Variants in NPAS3 observed in about 807,000 individuals in gnomAD.
NPAS3 encodes neuronal PAS domain-containing protein 3.
A neutral mutation model predicts 73.1 loss-of-function variants in NPAS3; 14 were observed. That is an observed-to-expected ratio of 0.19 (90% confidence interval 0.13 to 0.30). The LOEUF (loss-of-function observed/expected upper bound fraction) is 0.30. Ranked by LOEUF, NPAS3 falls within the 10% of genes least tolerant of loss-of-function variation. The pLI, the probability that NPAS3 is intolerant of heterozygous loss-of-function variation, is 1.00. For missense variants in NPAS3, 1,096 were observed against 1,250.0 expected (o/e 0.88, Z 1.86); for synonymous variants, 620 against 541.5 (o/e 1.14, Z -2.01).
intron 3 of NPAS3, among the ~76,000 whole-genome samples, chr14:33,254,960 TAA>T (rs113569307): frequency 1.4e-5 from 2 of 146,616 alleles, no homozygotes; most frequent in East Asian, 3.9e-4. Flanking sequence ...GAGGAATTTG[TAA>T]AAAAAAAAAC....
At chr14:33,308,247 C>T (rs999316846) in intron 3 of NPAS3, among the ~76,000 whole-genome samples, 2 of 152,106 alleles carry the variant, frequency 1.3e-5, no homozygotes, top group South Asian at 2.1e-4. Flanking sequence ...TGTGCCATAC[C>T]GTACATTACT....
At chr14:33,248,553 G>T (rs976772094) in intron 3 of NPAS3, among the ~76,000 whole-genome samples, 1 of 152,188 alleles carries the variant, frequency 6.6e-6, no homozygotes, top group Non-Finnish European at 1.5e-5. Context: ...AGTCTTTCTT[G>T]CTATATCTAG....
intron 4 of NPAS3, among the ~76,000 whole-genome samples, chr14:33,497,573 A>G (rs2139874073): frequency 6.6e-6 from 1 of 152,304 alleles, no homozygotes; most frequent in East Asian, 1.9e-4. Context: ...ATCTTTGACA[A>G]ACCAGACAAA....
rs779695822 is a variant in NPAS3 at position 33,513,391 on chromosome 14, T to C, written c.469-46730T>C. Among the ~76,000 whole-genome samples the C allele has an allele frequency of 1.4e-4, 22 of 152,182 alleles. No homozygotes were observed. In the East Asian group the frequency reaches 2.7e-3, roughly 19 times the overall value. Reference sequence around the variant, plus strand: ...AACACCACCACAATAATAAAAGTGATGATTTATTAAGTCCTTATGTGTCAG... The same window carrying C: ...AACACCACCACAATAATAAAAGTGACGATTTATTAAGTCCTTATGTGTCAG... On this transcript the variant is annotated intron_variant, in intron 4 of 11. Coordinates refer to ENST00000356141, the Ensembl canonical transcript of NPAS3.
intron 5 of NPAS3, among the ~76,000 whole-genome samples, chr14:33,594,852 G>T (rs890523164): frequency 1.3e-5 from 2 of 152,214 alleles, no homozygotes; most frequent in East Asian, 1.9e-4. Flanking sequence ...TGGTCTGAAG[G>T]CCTCTTCATT....
rs952294498 is a variant in NPAS3, at chr14:32,961,426, GA to G, written c.50+22070del. 1.2e-3 allele frequency among the ~76,000 whole-genome samples: 171 copies of G among 142,876 alleles called. 1 individual carries two copies. The highest frequency in any genetic ancestry group is 7.1e-3 in the Middle Eastern group (2 of 280). 93.7% of individuals were successfully genotyped at this position (142,876 alleles called of 152,430 possible). A position where few individuals can be genotyped will look rare whatever the true frequency, so the allele number is the denominator to read the frequency against. The stretch of plus-strand genomic sequence containing the variant: ...CTTCATCTCAAAAAAAAAAAAAAAA[GA>G]AAAAAAAAATTGAATTCATATCGGA... On this transcript the variant is annotated intron_variant, in intron 1 of 11. Coordinates refer to ENST00000356141, the Ensembl canonical transcript of NPAS3.
At chr14:33,680,302 T>C (rs1371326261) in intron 6 of NPAS3, among the ~76,000 whole-genome samples, 1 of 152,238 alleles carries the variant, frequency 6.6e-6, no homozygotes, top group Non-Finnish European at 1.5e-5. Context: ...AGGCAAATAG[T>C]AATATTCTCT....
upstream of NPAS3, chr14:32,934,911 G>C: frequency 5.0e-6 from 5 of 1,007,552 alleles, no homozygotes; most frequent in Non-Finnish European, 5.9e-6. The surrounding 1 kb of genome is among the most constrained non-coding windows in gnomAD (Gnocchi z 4.1). Context: ...GGGCGGCCGC[G>C]GGGGTGCCGG....
intron 3 of NPAS3, among the ~76,000 whole-genome samples, chr14:33,221,382 G>T (rs556886853): frequency 6.6e-6 from 1 of 152,174 alleles, no homozygotes; most frequent in African/African-American, 2.4e-5. Flanking sequence ...ACAGATAGAA[G>T]ATGAAGAACA....
intron 4 of NPAS3, among the ~76,000 whole-genome samples, chr14:33,391,924 G>A (rs2138615477): frequency 6.6e-6 from 1 of 152,296 alleles, no homozygotes; most frequent in Non-Finnish European, 1.5e-5. Context: ...AAATGAGTAA[G>A]AGAATGGTAT....
At chr14:33,192,917 A>G (rs1234191183) in intron 2 of NPAS3, among the ~76,000 whole-genome samples, 1 of 152,174 alleles carries the variant, frequency 6.6e-6, no homozygotes, top group Admixed American at 6.5e-5. Context: ...TTTACATTTT[A>G]GCTTACTTGT....
At chr14:33,099,708 A>G (rs1021064490) in intron 2 of NPAS3, among the ~76,000 whole-genome samples, 1 of 152,194 alleles carries the variant, frequency 6.6e-6, no homozygotes, top group Non-Finnish European at 1.5e-5. Context: ...TTGGGAGTCT[A>G]TTGTAGGGAA....
At chr14:33,436,477 G>A (rs534935603) in intron 4 of NPAS3, among the ~76,000 whole-genome samples, 2 of 152,228 alleles carry the variant, frequency 1.3e-5, no homozygotes, top group East Asian at 1.9e-4. Flanking sequence ...GCTAGATAGC[G>A]GAAACACTAA....
intron 2 of NPAS3, among the ~76,000 whole-genome samples, chr14:33,106,827 G>A (rs1450815366): frequency 6.6e-6 from 1 of 152,092 alleles, no homozygotes; most frequent in Non-Finnish European, 1.5e-5. Context: ...TGATTTCCTA[G>A]TGTTTCAATT....
chr14:33,281,699 AT>A (rs1343390944), intron 3 of NPAS3, among the ~76,000 whole-genome samples: 1 of 152,124 alleles, frequency 6.6e-6, no homozygotes, highest in African/African-American at 2.4e-5. Context: ...AGGACTAAGA[AT>A]TTTTTCTTCT....
intron 5 of NPAS3, among the ~76,000 whole-genome samples, chr14:33,603,995 A>T (rs548862603): frequency 6.6e-6 from 1 of 152,154 alleles, no homozygotes; most frequent in Non-Finnish European, 1.5e-5. Context: ...GATTTATAAT[A>T]TGAGCCCTAA....
chr14:33,387,411 A>G (rs2046817972), intron 4 of NPAS3, among the ~76,000 whole-genome samples: 1 of 152,128 alleles, frequency 6.6e-6, no homozygotes, highest in African/African-American at 2.4e-5. Context: ...GAGAACCTTT[A>G]TGCTGCTGTT....
At chr14:33,692,866 C>T (rs4381494) in intron 6 of NPAS3, among the ~76,000 whole-genome samples, 120,865 of 122,872 alleles carry the variant, frequency 0.98, 59,434 homozygotes, top group Middle Eastern at 1. Context: ...AAAAAAAAGC[C>T]TTGAGTTAAT....
At chr14:33,439,089 T>C (rs2049118834) in intron 4 of NPAS3, among the ~76,000 whole-genome samples, 1 of 137,698 alleles carries the variant, frequency 7.3e-6, no homozygotes, top group Admixed American at 7.1e-5. Context: ...AGGAAAATAG[T>C]ACCTGTCTTT....
Sources: allele counts gnomAD v4.1 joint callset (sites outside exome capture counted in the v4.1 genomes callset), GRCh38; gene constraint gnomAD v4.1.1; non-coding constraint Gnocchi (gnomAD v3.1); transcripts MANE v1.5; gene names NCBI Gene and HGNC (gene_info 2026-07-23, HGNC 2026-07-21).